Variants in ZDBF2 observed in about 807,000 individuals in gnomAD.
The protein encoded by ZDBF2 is zinc finger DBF-type containing 2.
In ZDBF2, 6 loss-of-function variants were observed where a neutral mutation model predicts 9.4. The ratio of observed to expected loss-of-function variants is 0.64; its 90% confidence interval spans 0.35 to 1.27. ZDBF2 has a LOEUF of 1.27. Among genes scored for constraint, ZDBF2 ranks in the 50% most tolerant of loss-of-function variants. ZDBF2 has a pLI of 0.03. For synonymous variants in ZDBF2, 905 were observed against 946.3 expected (o/e 0.96, Z 0.80); for missense variants, 2,697 against 2,766.8 (o/e 0.97, Z 0.57).
At chr2:206,276,949 G>A (rs906764672) in intron 1 of ZDBF2, among the ~76,000 whole-genome samples, 102 of 152,268 alleles carry the variant, frequency 6.7e-4, no homozygotes, top group Non-Finnish European at 8.8e-5. Context: ...TTGTGTGGAG[G>A]AACTGACACT....
chr2:206,285,306 GTGT>G (rs150574241), intron 3 of ZDBF2, among the ~76,000 whole-genome samples: 1,712 of 152,258 alleles, frequency 0.011, 36 homozygotes, highest in African/African-American at 0.039. Context: ...CCTTGCCAGT[GTGT>G]TATTTTTTGT....
chr2:206,308,152 G>T lies in ZDBF2; in HGVS notation c.3624G>T (p.Gln1208His). The T allele has an allele frequency of 6.2e-7, 1 of 1,613,956 alleles. No individual in the cohort carries two copies. The highest frequency in any genetic ancestry group is 8.5e-7 in the Non-Finnish European group (1 of 1,179,850). ...EVSFDSDDPL[Q>H]SVADRLRETV... ...GTTTTGATTCTGATGACCCTCTTCA[G>T]TCAGTGGCTGACCGGCTGAGAGAAA... is the stretch of plus-strand genomic sequence containing the variant. The change falls in exon 5 of 5, where the codon CAG (glutamine) becomes CAT (histidine). Residue 1208 changes from glutamine (Q) to histidine (H), a missense_variant. Transcript: ENST00000374423.
intron 3 of ZDBF2, among the ~76,000 whole-genome samples, chr2:206,286,983 C>A (rs543459265): frequency 1.9e-4 from 29 of 152,102 alleles, no homozygotes; most frequent in Non-Finnish European, 3.7e-4. Flanking sequence ...TCTGACATGG[C>A]CTATAAGCAG....
Position 206,305,944 on chromosome 2 carries a change from A to G in ZDBF2, c.1416A>G (p.Ile472Met). ...AATCCCAAATGATTGTTAAAGAAAT[A>G]AGTCTTCAGAATGCAAGGCATATTA... is the stretch of plus-strand genomic sequence containing the variant. ...TNQSQMIVKE[I>M]SLQNARHISL... Residue 472 changes from isoleucine (I) to methionine (M), a missense_variant, in exon 5 of 5, where the codon ATA becomes ATG. Physicochemically the swap from Ile to Met is conservative, Grantham distance 10 (BLOSUM62 1). Around this residue, in one of 3 missense-constraint regions of ZDBF2, gnomAD observed 910 missense variants for 973.6 expected, o/e 0.93. Coordinates refer to ENST00000374423, the MANE Select transcript of ZDBF2 (RefSeq NM_020923.3). 1 of 1,613,400 alleles carries G rather than the reference A, an allele frequency of 6.2e-7. No homozygotes were observed. The highest frequency in any genetic ancestry group is 8.5e-7 in the Non-Finnish European group (1 of 1,179,628).
Position 206,307,514 on chromosome 2 carries a change from A to G in ZDBF2, c.2986A>G (p.Ser996Gly). 1 of 1,613,822 alleles carries G rather than the reference A, an allele frequency of 6.2e-7. No homozygotes were observed. The highest frequency in any genetic ancestry group is 8.5e-7 in the Non-Finnish European group (1 of 1,179,760). Reference sequence around the variant, plus strand: ...ATTCCAAGGTAGAAGTACTGAATTCAGTGGTTCAAAAACAAGTTTAGATTC... The same window carrying G: ...ATTCCAAGGTAGAAGTACTGAATTCGGTGGTTCAAAAACAAGTTTAGATTC... ...AEFQGRSTEFSGSKTSLDSGV... is the reference protein window; with the variant it reads ...AEFQGRSTEFGGSKTSLDSGV... Residue 996 changes from serine (S) to glycine (G), a missense_variant, in exon 5 of 5, where the codon AGT becomes GGT. Transcript: ENST00000374423.
Position 206,309,537 on chromosome 2 carries a change from A to G in ZDBF2, c.5009A>G (p.Glu1670Gly). 6.2e-7 allele frequency: 1 copy of G among 1,614,012 alleles called. No individual in the cohort carries two copies. The highest frequency in any genetic ancestry group is 8.5e-7 in the Non-Finnish European group (1 of 1,179,892). Residue 1670 changes from glutamate (E) to glycine (G), a missense_variant, in exon 5 of 5, where the codon GAA becomes GGA. By Grantham distance (98) the Glu-to-Gly change is moderately conservative (BLOSUM62 -2). Transcript: ENST00000374423. The part of the protein sequence containing the change: ...YNGSKGKFNL[E>G]DTSHRTTHRL... ...GGTTCTAAAGGAAAATTTAATTTGGAAGACACTTCTCATCGAACGACTCAC... is the reference window on the plus strand; with the variant it reads ...GGTTCTAAAGGAAAATTTAATTTGGGAGACACTTCTCATCGAACGACTCAC...
chr2:206,301,174 C>T (rs1449167484), intron 4 of ZDBF2, among the ~76,000 whole-genome samples: 2 of 152,144 alleles, frequency 1.3e-5, no homozygotes, highest in Non-Finnish European at 2.9e-5. Context: ...ATACTTTGCC[C>T]ATTTTTCTAT....
chr2:206,280,430 A>G (rs559354784), intron 2 of ZDBF2, among the ~76,000 whole-genome samples: 1 of 152,316 alleles, frequency 6.6e-6, no homozygotes, highest in South Asian at 2.1e-4. Flanking sequence ...TCAATCCCCC[A>G]AAAGTTTATT....
chr2:206,275,755 C>T (rs1049390769), intron 1 of ZDBF2, among the ~76,000 whole-genome samples: 1 of 152,128 alleles, frequency 6.6e-6, no homozygotes, highest in Non-Finnish European at 1.5e-5. Context: ...ATCTCATCCT[C>T]GAGAGAATCT....
Position 206,297,314 on chromosome 2 carries a change from G to C in ZDBF2, c.129G>C (p.Leu43Phe), listed in dbSNP as rs1315803290. The C allele has an allele frequency of 6.2e-7, 1 of 1,613,290 alleles. No individual in the cohort carries two copies. Among genetic ancestry groups the C allele is most frequent in the Non-Finnish European group, 8.5e-7 (1 of 1,179,422 alleles). The change falls in exon 4 of 5, where the codon TTG becomes TTC. Residue 43 changes from leucine (L) to phenylalanine (F), a missense_variant. Transcript: ENST00000374423. ...QSRRQICTSS[L>F]MERFLQDVLQ... ...GACGTCAAATATGTACCAGTAGTTTGATGGAACGTTTCTTACAGGATGTAC... is the reference window on the plus strand; with the variant it reads ...GACGTCAAATATGTACCAGTAGTTTCATGGAACGTTTCTTACAGGATGTAC...
rs1052707481 is a variant in ZDBF2 at position 206,311,460 on chromosome 2, G to A, written c.6932G>A (p.Ser2311Asn). 6.2e-7 allele frequency: 1 copy of A among 1,612,432 alleles called. No homozygotes were observed. The highest frequency in any genetic ancestry group is 1.3e-5 in the African/African-American group (1 of 74,940). ...AGAAGGAGGAAGAAGACTGATGAAAGCTACCATGGCCGACAGAAAGGTCCT... is the reference window on the plus strand; with the variant it reads ...AGAAGGAGGAAGAAGACTGATGAAAACTACCATGGCCGACAGAAAGGTCCT... ...VARRRKKTDE[S>N]YHGRQKGPST... is the part of the protein sequence containing the mutation. Residue 2311 changes from serine (S) to asparagine (N), a missense_variant, in exon 5 of 5, where the codon AGC becomes AAC. By Grantham distance (46) the Ser-to-Asn change is conservative. Around this residue, in one of 3 missense-constraint regions of ZDBF2, gnomAD observed 1,783 missense variants for 1,776.5 expected, o/e 1.00. Transcript: ENST00000374423.
rs1368545601 is a variant in ZDBF2 at position 206,307,878 on chromosome 2, T to C, written c.3350T>C (p.Ile1117Thr). The C allele has an allele frequency of 1.2e-6, 2 of 1,613,646 alleles. No homozygotes were observed. Among genetic ancestry groups the C allele is most frequent in the Admixed American group, 3.3e-5 (2 of 59,924 alleles). ...KINEPSTYKL[I>T]HHPDVSVQSV... ...AATGAACCTAGTACTTATAAATTAA[T>C]ACATCATCCTGATGTTTCTGTCCAA... The change falls in exon 5 of 5, where the codon ATA becomes ACA. Residue 1117 changes from isoleucine to threonine, a missense_variant. Transcript: ENST00000374423.
intron 4 of ZDBF2, among the ~76,000 whole-genome samples, chr2:206,298,754 GA>G (rs1401353858): frequency 1.3e-5 from 2 of 151,962 alleles, no homozygotes; most frequent in Non-Finnish European, 2.9e-5. Context: ...TTGAACTCCT[GA>G]CCCCAAGTGA....
rs1693265480 is a variant in ZDBF2, at chr2:206,313,014, G to A, written c.*1421G>A. On this transcript the variant is annotated 3_prime_UTR_variant, in exon 5 of 5. Coordinates refer to ENST00000374423, the MANE Select transcript of ZDBF2 (RefSeq NM_020923.3). The stretch of plus-strand genomic sequence containing the variant: ...GGACACTGGTTGAGTTGGTACAGAT[G>A]CATTCAGTTGTCATTCATTCGTGTT... The A allele has an allele frequency of 6.6e-6, 1 of 152,138 alleles. No homozygotes were observed. The highest frequency in any genetic ancestry group is 2.4e-5 in the African/African-American group (1 of 41,432). The allele number at this position is 152,138 out of a possible 1,614,324, so 9.4% of individuals were successfully genotyped here.
Position 206,313,667 on chromosome 2 carries a change from G to A in ZDBF2, c.*2074G>A, listed in dbSNP as rs1043947977. ...CTATGTACCTATGATGTGTCATATCGTGATTACATCATGCAGAGAGAACAG... is the reference window on the plus strand; with the variant it reads ...CTATGTACCTATGATGTGTCATATCATGATTACATCATGCAGAGAGAACAG... On this transcript the variant is annotated 3_prime_UTR_variant, in exon 5 of 5. Transcript: ENST00000374423. 1 of 152,124 alleles carries A rather than the reference G, an allele frequency of 6.6e-6. No individual in the cohort carries two copies. Among genetic ancestry groups the A allele is most frequent in the Admixed American group, 6.6e-5 (1 of 15,266 alleles). 9.4% of individuals were successfully genotyped at this position (152,124 alleles called of 1,614,324 possible). A position where few individuals can be genotyped will look rare whatever the true frequency, so the allele number is the denominator to read the frequency against.
chr2:206,310,933 G>A lies in ZDBF2; in HGVS notation c.6405G>A (p.Leu2135=), dbSNP rs767676035. 1.2e-6 allele frequency: 2 copies of A among 1,613,912 alleles called. No individual in the cohort carries two copies. Among genetic ancestry groups the A allele is most frequent in the Admixed American group, 3.3e-5 (2 of 60,016 alleles). The part of the protein sequence containing the change: ...SSLFLEESKV[L]HARELPKKRN... ...TGTTTCTGGAAGAATCAAAGGTTCT[G>A]CATGCTCGTGAGCTTCCAAAGAAAA... Residue 2135 remains leucine (L), a synonymous_variant, in exon 5 of 5, where the codon CTG becomes CTA. Transcript: ENST00000374423.
chr2:206,308,914 T>C lies in ZDBF2; in HGVS notation c.4386T>C (p.Leu1462=). 6.2e-7 allele frequency: 1 copy of C among 1,613,048 alleles called. No homozygotes were observed. Among genetic ancestry groups the C allele is most frequent in the Non-Finnish European group, 8.5e-7 (1 of 1,179,430 alleles). The change falls in exon 5 of 5, where the codon CTT becomes CTC. Residue 1462 remains leucine, a synonymous_variant. Transcript: ENST00000374423. ...TAAAATGTCATTCTTGTGTTCATCTTCAGTCAGAAGTTGACCAACCTCAAG... is the reference window on the plus strand; with the variant it reads ...TAAAATGTCATTCTTGTGTTCATCTCCAGTCAGAAGTTGACCAACCTCAAG... ...SEIKCHSCVH[L]QSEVDQPQVS... is the part of the protein sequence containing the mutation.
At chr2:206,295,734 C>A (rs1419934107) in intron 3 of ZDBF2, among the ~76,000 whole-genome samples, 2 of 151,968 alleles carry the variant, frequency 1.3e-5, no homozygotes, top group Non-Finnish European at 2.9e-5. Context: ...GATATTCTTA[C>A]TCAGTGAAAA....
Position 206,310,278 on chromosome 2 carries a change from G to A in ZDBF2, c.5750G>A (p.Cys1917Tyr). The part of the protein sequence containing the change: ...DDLSVALDKP[C>Y]HRHPPAERPP... ...TTGTCAGTGGCCTTAGATAAACCAT[G>A]CCATCGTCATCCTCCAGCAGAGAGG... is the stretch of plus-strand genomic sequence containing the variant. The change falls in exon 5 of 5, where the codon TGC (cysteine) becomes TAC (tyrosine). Residue 1917 changes from cysteine (C) to tyrosine (Y), a missense_variant. By Grantham distance (194) the Cys-to-Tyr change is radical. Around this residue, in one of 3 missense-constraint regions of ZDBF2, gnomAD observed 1,783 missense variants for 1,776.5 expected, o/e 1.00. Transcript: ENST00000374423. 2 of 1,613,918 alleles carry A rather than the reference G, an allele frequency of 1.2e-6. No individual in the cohort carries two copies. The highest frequency in any genetic ancestry group is 1.1e-5 in the South Asian group (1 of 91,078).
Sources: gnomAD v4.1 joint callset for allele counts (sites outside exome capture counted in the v4.1 genomes callset) on GRCh38, gnomAD v4.1.1 for gene constraint, gnomAD v4.1.1 regional missense constraint, MANE v1.5 for transcripts, NCBI Gene and HGNC (gene_info 2026-07-23, HGNC 2026-07-21) for gene names.